Variants in ANKS4B observed in about 807,000 individuals in gnomAD.
ANKS4B encodes the protein ankyrin repeat and sterile alpha motif domain containing 4B, also known as ankyrin repeat and SAM domain-containing protein 4B.
ANKS4B carries 21 observed loss-of-function variants against 20.2 expected under a neutral mutation model. That is an observed-to-expected ratio of 1.04 (90% CI 0.74 to 1.50). ANKS4B has a LOEUF of 1.50. Ranked by LOEUF, ANKS4B falls within the 40% of genes most tolerant of loss-of-function variation. The pLI, the probability that ANKS4B is intolerant of heterozygous loss-of-function variation, is 0.00. For synonymous variants in ANKS4B, 179 were observed against 194.5 expected (o/e 0.92, Z 0.66); for missense variants, 473 against 494.6 (o/e 0.96, Z 0.41).
rs2093341927 is a variant in ANKS4B at position 21,253,431 on chromosome 16, C to A, written c.*2611C>A. ...TCTTGTGGAATAAACTGAAGTTGTGCTTTCCTTCATTAACGTGCACAGAAG... is the reference window on the plus strand; with the variant it reads ...TCTTGTGGAATAAACTGAAGTTGTGATTTCCTTCATTAACGTGCACAGAAG... On this transcript the variant is annotated 3_prime_UTR_variant, in exon 2 of 2. Transcript: ENST00000311620. The A allele has an allele frequency of 6.6e-6, 1 of 152,152 alleles. No individual in the cohort carries two copies. The highest frequency in any genetic ancestry group is 2.4e-5 in the African/African-American group (1 of 41,424). 9.4% of individuals were successfully genotyped at this position (152,152 alleles called of 1,614,324 possible). A position where few individuals can be genotyped will look rare whatever the true frequency, so the allele number is the denominator to read the frequency against.
chr16:21,235,010 A>T (rs1239104540), intron 1 of ANKS4B, among the ~76,000 whole-genome samples: 3 of 152,100 alleles, frequency 2.0e-5, no homozygotes, highest in Non-Finnish European at 2.9e-5. Flanking sequence ...CACCATGCCC[A>T]GCAATTTTTG....
intron 1 of ANKS4B, 96 bp from the exon 2 acceptor site, chr16:21,249,635 G>A (rs1402804750): frequency 2.2e-5 from 29 of 1,342,162 alleles, no homozygotes; most frequent in Middle Eastern, 4.2e-4. Flanking sequence ...TTGTATTAAC[G>A]TGCCTTTTGT....
chr16:21,240,804 T>G (rs1052543758), intron 1 of ANKS4B, among the ~76,000 whole-genome samples: 57 of 151,874 alleles, frequency 3.8e-4, no homozygotes, highest in Non-Finnish European at 6.6e-4. Context: ...TTTTTTTTTT[T>G]GTGAGAGACA....
In ANKS4B at chr16:21,250,976, A is replaced by G; in HGVS notation, c.*156A>G. ...AGAGAGACCCAAACTTTACTCTGGG[A>G]GGTAGGCTATGCCCATCCAAATAAA... On this transcript the variant is annotated 3_prime_UTR_variant, in exon 2 of 2. Coordinates refer to ENST00000311620, the MANE Select transcript of ANKS4B (RefSeq NM_145865.3). The G allele has an allele frequency of 1.9e-6, 2 of 1,062,038 alleles. No homozygotes were observed. Among genetic ancestry groups the G allele is most frequent in the Non-Finnish European group, 2.6e-6 (2 of 758,670 alleles). 65.8% of individuals were successfully genotyped at this position (1,062,038 alleles called of 1,614,324 possible).
chr16:21,236,224 A>T (rs577409466), intron 1 of ANKS4B, among the ~76,000 whole-genome samples: 2 of 152,140 alleles, frequency 1.3e-5, no homozygotes, highest in Non-Finnish European at 2.9e-5. Context: ...TAGAAACCAG[A>T]TCTAATGAGA....
intron 1 of ANKS4B, among the ~76,000 whole-genome samples, chr16:21,235,923 G>T (rs1317883257): frequency 1.3e-5 from 2 of 152,106 alleles, no homozygotes; most frequent in African/African-American, 4.8e-5. Context: ...CTCAGCCTAG[G>T]GTTCCCCAGC....
At chr16:21,236,850 C>A (rs2093320828) in intron 1 of ANKS4B, among the ~76,000 whole-genome samples, 1 of 152,186 alleles carries the variant, frequency 6.6e-6, no homozygotes, top group South Asian at 2.1e-4. Context: ...TCTATATATA[C>A]TATAGTGCAT....
intron 1 of ANKS4B, among the ~76,000 whole-genome samples, chr16:21,248,819 A>T (rs1164375029): frequency 2.0e-5 from 3 of 152,118 alleles, no homozygotes; most frequent in African/African-American, 7.2e-5. Context: ...AATACATTTC[A>T]CTCTTACCTG....
At position 21,249,782 on chromosome 16, in the gene ANKS4B, A is replaced by G. The variant is rs367892200; in HGVS notation, c.216A>G (p.Ala72=). The G allele has an allele frequency of 8.7e-6, 14 of 1,613,992 alleles. No individual in the cohort carries two copies. The African/African-American group carries it at 1.1e-4, about 12-fold the overall frequency. ...DIWGNTPLHF[A]ASNGHAHCVS... ...GGGGAAACACTCCTCTACATTTTGC[A>G]GCCTCCAATGGCCATGCCCACTGCG... Residue 72 remains alanine (A), a synonymous_variant, in exon 2 of 2, where the codon GCA becomes GCG. Coordinates refer to ENST00000311620, the MANE Select transcript of ANKS4B (RefSeq NM_145865.3).
chr16:21,246,717 A>T (rs1274709734), intron 1 of ANKS4B, among the ~76,000 whole-genome samples: 1 of 152,196 alleles, frequency 6.6e-6, no homozygotes, highest in Non-Finnish European at 1.5e-5. Context: ...GACCAGCCTG[A>T]TCCAAATCAT....
chr16:21,250,251 A>T lies in ANKS4B; in HGVS notation c.685A>T (p.Asn229Tyr). The T allele has an allele frequency of 6.2e-7, 1 of 1,614,196 alleles. No individual in the cohort carries two copies. Among genetic ancestry groups the T allele is most frequent in the Non-Finnish European group, 8.5e-7 (1 of 1,180,036 alleles). Reference protein sequence around the residue: ...VGKEGRSGQRNVMEVFREEEE... With the variant: ...VGKEGRSGQRYVMEVFREEEE... ...GAAGGAAGGCAGAAGTGGGCAGAGGAACGTGATGGAAGTGTTCAGAGAGGA... is the reference window on the plus strand; with the variant it reads ...GAAGGAAGGCAGAAGTGGGCAGAGGTACGTGATGGAAGTGTTCAGAGAGGA... The change falls in exon 2 of 2, where the codon AAC becomes TAC. Residue 229 changes from asparagine to tyrosine, a missense_variant. By Grantham distance (143) the Asn-to-Tyr change is moderately radical. Transcript: ENST00000311620.
intron 1 of ANKS4B, among the ~76,000 whole-genome samples, chr16:21,249,085 A>G (rs2093335652): frequency 6.6e-6 from 1 of 152,246 alleles, no homozygotes. Flanking sequence ...TAAGTTAAAC[A>G]CAATAGTATG....
In ANKS4B at chr16:21,251,050, T is replaced by C; in HGVS notation, c.*230T>C. On this transcript the variant is annotated 3_prime_UTR_variant, in exon 2 of 2. Transcript: ENST00000311620. ...CTTCATAACAAGAATCTGGCATTTC[T>C]CTTCAGTTATCTTATATGTACATAT... 2.0e-6 allele frequency: 1 copy of C among 503,514 alleles called. No individual in the cohort carries two copies. Among genetic ancestry groups the C allele is most frequent in the Non-Finnish European group, 3.5e-6 (1 of 288,360 alleles). 31.2% of individuals were successfully genotyped at this position (503,514 alleles called of 1,614,324 possible). A position where few individuals can be genotyped will look rare whatever the true frequency, so the allele number is the denominator to read the frequency against.
intron 1 of ANKS4B, among the ~76,000 whole-genome samples, chr16:21,248,845 C>A (rs1014170733): frequency 1.3e-5 from 2 of 152,162 alleles, no homozygotes; most frequent in African/African-American, 4.8e-5. Flanking sequence ...TAAGATGATT[C>A]ATGTCCATTA....
intron 1 of ANKS4B, among the ~76,000 whole-genome samples, chr16:21,234,297 GT>G (rs200575818): frequency 2.3e-4 from 35 of 149,024 alleles, no homozygotes; most frequent in African/African-American, 5.4e-4. Flanking sequence ...CATGGTTTTA[GT>G]TTTTTTTTTA....
intron 1 of ANKS4B, among the ~76,000 whole-genome samples, chr16:21,237,479 T>G (rs1469367628): frequency 6.6e-6 from 1 of 151,878 alleles, no homozygotes; most frequent in Admixed American, 6.6e-5. Flanking sequence ...ACATCCAAGA[T>G]CAAGGCACCA....
chr16:21,235,809 G>T (rs571274829), intron 1 of ANKS4B, among the ~76,000 whole-genome samples: 1 of 152,192 alleles, frequency 6.6e-6, no homozygotes, highest in African/African-American at 2.4e-5. Flanking sequence ...GAAAGTGAGT[G>T]AAGCAGATCT....
chr16:21,249,056 G>C (rs2093335633), intron 1 of ANKS4B, among the ~76,000 whole-genome samples: 1 of 152,138 alleles, frequency 6.6e-6, no homozygotes, highest in Non-Finnish European at 1.5e-5. Flanking sequence ...CCTAGTTTCA[G>C]GGCAAAATCT....
intron 1 of ANKS4B, among the ~76,000 whole-genome samples, chr16:21,238,158 A>C (rs2093322467): frequency 6.6e-6 from 1 of 152,196 alleles, no homozygotes. Context: ...CAACAGAGTG[A>C]GACTCTGTCT....
Sources: allele counts gnomAD v4.1 joint callset (sites outside exome capture counted in the v4.1 genomes callset), GRCh38; gene constraint gnomAD v4.1.1; transcripts MANE v1.5; gene names NCBI Gene and HGNC (gene_info 2026-07-23, HGNC 2026-07-21).